TGFBR3: variants seen among roughly 807,000 people sequenced by gnomAD.
TGFBR3 encodes transforming growth factor beta receptor 3.
TGFBR3 carries 46 observed loss-of-function variants against 87.9 expected under a neutral mutation model. The ratio of observed to expected loss-of-function variants is 0.52; its 90% CI spans 0.41 to 0.67. The LOEUF is 0.67. Ranked by LOEUF, TGFBR3 falls within the 30% of genes least tolerant of loss-of-function variation. TGFBR3 has a pLI of 0.00. For synonymous variants in TGFBR3, 381 were observed against 391.6 expected (o/e 0.97, Z 0.32); for missense variants, 866 against 1,041.9 (o/e 0.83, Z 2.32).
chr1:91,706,217 C>T (rs1043131022), intron 14 of TGFBR3, among the ~76,000 whole-genome samples: 7 of 152,110 alleles, frequency 4.6e-5, no homozygotes, highest in Non-Finnish European at 8.8e-5. Flanking sequence ...TAAAATGAGG[C>T]CGAGGCCTAT....
chr1:91,810,911 A>C (rs1676009276), intron 2 of TGFBR3, among the ~76,000 whole-genome samples: 1 of 152,236 alleles, frequency 6.6e-6, no homozygotes, highest in Non-Finnish European at 1.5e-5. Flanking sequence ...TCATCAAAGC[A>C]CTTAGCTAAA....
intron 1 of TGFBR3, chr1:91,899,824 A>G (rs1013415044): frequency 1.3e-5 from 2 of 152,116 alleles, no homozygotes; most frequent in Non-Finnish European, 2.9e-5. Flanking sequence ...CACAGTGGGC[A>G]CTTGTAGTCA....
At chr1:91,811,241 G>T (rs948518023) in intron 2 of TGFBR3, among the ~76,000 whole-genome samples, 1 of 152,190 alleles carries the variant, frequency 6.6e-6, no homozygotes, top group Non-Finnish European at 1.5e-5. Flanking sequence ...AGCCCAGGGA[G>T]GTCAAGACTG....
intron 2 of TGFBR3, among the ~76,000 whole-genome samples, chr1:91,821,692 C>A (rs1457927811): frequency 2.0e-5 from 3 of 152,142 alleles, no homozygotes; most frequent in African/African-American, 7.2e-5. Flanking sequence ...CTCTACGGAC[C>A]TGGGGCCTTG....
chr1:91,857,529 TC>T (rs1678005569), intron 2 of TGFBR3, among the ~76,000 whole-genome samples: 1 of 152,208 alleles, frequency 6.6e-6, no homozygotes, highest in South Asian at 2.1e-4. Context: ...CCACAGGGCT[TC>T]CCCTCGTGAC....
chr1:91,805,424 T>C (rs1675791224), intron 2 of TGFBR3, among the ~76,000 whole-genome samples: 1 of 152,172 alleles, frequency 6.6e-6, no homozygotes. Flanking sequence ...GCTCTTCTGT[T>C]TGGTACACTC....
At chr1:91,721,871 A>G (rs1393562757) in intron 8 of TGFBR3, 84 bp downstream of exon 8, 3 of 1,298,968 alleles carry the variant, frequency 2.3e-6, no homozygotes, top group Non-Finnish European at 2.2e-6. Flanking sequence ...AAACAGCAAC[A>G]TATAAGCTGA....
intron 2 of TGFBR3, among the ~76,000 whole-genome samples, chr1:91,842,876 T>G (rs980224296): frequency 6.6e-6 from 1 of 152,104 alleles, no homozygotes; most frequent in Non-Finnish European, 1.5e-5. Context: ...AAACTGGGAC[T>G]CAAATCTCCA....
intron 2 of TGFBR3, among the ~76,000 whole-genome samples, chr1:91,844,031 A>G (rs201019703): frequency 6.6e-6 from 1 of 152,228 alleles, no homozygotes; most frequent in East Asian, 1.9e-4. Flanking sequence ...GCCTGATGGA[A>G]AGGCACAACA....
At chr1:91,797,139 A>G in intron 3 of TGFBR3, 148 bp downstream of exon 3, 5 of 934,452 alleles carry the variant, frequency 5.4e-6, no homozygotes, top group Non-Finnish European at 8.7e-6. Context: ...CCCAATCCAG[A>G]CAGCAGCTGG....
At chr1:91,833,683 GGCAGGAGAATT>G (rs1037502248) in intron 2 of TGFBR3, among the ~76,000 whole-genome samples, 1 of 151,684 alleles carries the variant, frequency 6.6e-6, no homozygotes, top group Non-Finnish European at 1.5e-5. Context: ...GAGGCCTTGA[GGCAGGAGAATT>G]GCTTGAGCCC....
chr1:91,797,971 G>A (rs2101006893), intron 2 of TGFBR3, among the ~76,000 whole-genome samples: 1 of 152,204 alleles, frequency 6.6e-6, no homozygotes, highest in Admixed American at 6.5e-5. Flanking sequence ...GGCGATCAGG[G>A]CCAGAGCTGT....
At chr1:91,794,014 T>C (rs779248327) in intron 3 of TGFBR3, among the ~76,000 whole-genome samples, 11 of 152,146 alleles carry the variant, frequency 7.2e-5, no homozygotes, top group Non-Finnish European at 1.5e-4. Context: ...TAAAAGTGAA[T>C]TGAGCCAACG....
chr1:91,683,896 G>T (rs750339346), intron 16 of TGFBR3, 39 bp from the exon 17 acceptor site: 1 of 1,511,172 alleles, frequency 6.6e-7, no homozygotes, highest in Non-Finnish European at 9.0e-7. Flanking sequence ...AGAGAAAGAC[G>T]CATATTATGT....
chr1:91,768,381 T>C (rs982905147), intron 3 of TGFBR3, among the ~76,000 whole-genome samples: 1 of 152,198 alleles, frequency 6.6e-6, no homozygotes, highest in Non-Finnish European at 1.5e-5. Flanking sequence ...CTTAGAACCT[T>C]GTCCAGTATC....
At chr1:91,838,899 G>A (rs1363570924) in intron 2 of TGFBR3, among the ~76,000 whole-genome samples, 1 of 152,150 alleles carries the variant, frequency 6.6e-6, no homozygotes, top group Admixed American at 6.5e-5. Flanking sequence ...CATTGTTCTG[G>A]TTGAAGGATA....
Position 91,719,458 on chromosome 1 carries a change from C to G in TGFBR3, c.1420G>C (p.Gly474Arg). The change falls in exon 10 of 17, where the codon GGC becomes CGC. Residue 474 changes from glycine to arginine, a missense_variant. Coordinates refer to ENST00000212355, the MANE Select transcript of TGFBR3 (RefSeq NM_003243.5). Reference protein sequence around the residue: ...AVEKDSFQASGYSGMDVTLLD... With the variant: ...AVEKDSFQASRYSGMDVTLLD... Reference sequence around the variant, plus strand: ...AGGGTGACGTCCATCCCCGAGTAGCCACTGGCCTAAAACAACAACCACCAA... The same window carrying G: ...AGGGTGACGTCCATCCCCGAGTAGCGACTGGCCTAAAACAACAACCACCAA... 2 of 1,614,048 alleles carry G rather than the reference C, an allele frequency of 1.2e-6. No individual in the cohort carries two copies. Among genetic ancestry groups the G allele is most frequent in the Non-Finnish European group, 1.7e-6 (2 of 1,180,010 alleles).
intron 5 of TGFBR3, among the ~76,000 whole-genome samples, chr1:91,730,987 C>T (rs1203331214): frequency 2.0e-5 from 3 of 152,240 alleles, no homozygotes; most frequent in Admixed American, 6.5e-5. Context: ...CACAGCACGG[C>T]GGCTGATGGG....
chr1:91,822,832 G>A (rs1676500950), intron 2 of TGFBR3, among the ~76,000 whole-genome samples: 1 of 152,072 alleles, frequency 6.6e-6, no homozygotes, highest in Non-Finnish European at 1.5e-5. Context: ...AGGCTGAGGT[G>A]GGAGGACTGC....
Sources: gnomAD v4.1 joint callset for allele counts (sites outside exome capture counted in the v4.1 genomes callset) on GRCh38, gnomAD v4.1.1 for gene constraint, MANE v1.5 for transcripts, NCBI Gene and HGNC (gene_info 2026-07-23, HGNC 2026-07-21) for gene names.